BCL2L13: variants seen among roughly 807,000 people sequenced by gnomAD.
BCL2L13 encodes the protein bcl-2-like protein 13.
BCL2L13 carries 13 observed loss-of-function variants against 25.8 expected under a neutral mutation model. That is an observed-to-expected ratio of 0.50 (90% CI 0.33 to 0.80). The LOEUF (loss-of-function observed/expected upper bound fraction) is 0.80. Ranked by LOEUF, BCL2L13 falls within the 30% of genes least tolerant of loss-of-function variation. The probability of loss-of-function intolerance (pLI) is 0.02; values close to 1 mark genes in which losing one functional copy is unlikely to be tolerated. For missense variants in BCL2L13, 504 were observed against 574.9 expected (o/e 0.88, Z 1.26); for synonymous variants, 244 against 230.3 (o/e 1.06, Z -0.54).
intron 4 of BCL2L13, among the ~76,000 whole-genome samples, chr22:17,690,336 AT>A (rs376035892): frequency 2.0e-5 from 3 of 150,862 alleles, no homozygotes; most frequent in Non-Finnish European, 4.4e-5. Flanking sequence ...AAAGAAAAAA[AT>A]TTTTTTTTTA....
chr22:17,635,258 C>G (rs2058086191), upstream of BCL2L13, among the ~76,000 whole-genome samples: 1 of 151,892 alleles, frequency 6.6e-6, no homozygotes, highest in African/African-American at 2.4e-5. Context: ...TAAAAAAGGG[C>G]CGGGTGTGGT....
chr22:17,684,881 T>C (rs564633360), intron 3 of BCL2L13, among the ~76,000 whole-genome samples: 1,964 of 151,890 alleles, frequency 0.013, 30 homozygotes, highest in Non-Finnish European at 0.015. Flanking sequence ...TACAGGCGCC[T>C]GCCACCACAC....
At chr22:17,693,685 G>A (rs1040720231) in intron 4 of BCL2L13, among the ~76,000 whole-genome samples, 1 of 149,836 alleles carries the variant, frequency 6.7e-6, no homozygotes. Context: ...TGGCTGGGGT[G>A]GGATTTTAAA....
At chr22:17,628,991 A>T in exon 1 of BCL2L13, 1 of 366,766 alleles carries the variant, frequency 2.7e-6, no homozygotes, top group Non-Finnish European at 5.2e-6. Context: ...GGCTGTTTTG[A>T]GGAGTACTGG....
At chr22:17,698,478 T>C (rs568239827) in intron 5 of BCL2L13, among the ~76,000 whole-genome samples, 7 of 138,016 alleles carry the variant, frequency 5.1e-5, no homozygotes, top group South Asian at 4.4e-4. Flanking sequence ...CCCAGCACTT[T>C]AGAAGGCCAA....
rs1284421317 is a variant in BCL2L13, at chr22:17,728,257, T to C, written c.*723T>C. 1 of 146,162 alleles carries C rather than the reference T, an allele frequency of 6.8e-6. No individual in the cohort carries two copies. The highest frequency in any genetic ancestry group is 1.5e-5 in the Non-Finnish European group (1 of 66,508). The allele number at this position is 146,162 out of a possible 1,614,324, so 9.1% of individuals were successfully genotyped here. A position where few individuals can be genotyped will look rare whatever the true frequency, so the allele number is the denominator to read the frequency against. Reference sequence around the variant, plus strand: ...GCGAGGGCTTGCTCTGGACTCAGTCTGTCAAGTCCCCGAAGCTTCCTGCAG... The same window carrying C: ...GCGAGGGCTTGCTCTGGACTCAGTCCGTCAAGTCCCCGAAGCTTCCTGCAG... On this transcript the variant is annotated 3_prime_UTR_variant, in exon 7 of 7. Coordinates refer to ENST00000317582, the MANE Select transcript of BCL2L13 (RefSeq NM_015367.4).
chr22:17,629,176 C>T (rs1171359782), intron 1 of BCL2L13, among the ~76,000 whole-genome samples: 1 of 150,510 alleles, frequency 6.6e-6, no homozygotes, highest in Non-Finnish European at 1.5e-5. Flanking sequence ...CCAGGCTGGA[C>T]AACATAGAGG....
intron 1 of BCL2L13, among the ~76,000 whole-genome samples, chr22:17,641,169 C>A (rs940530111): frequency 1.3e-5 from 2 of 152,168 alleles, no homozygotes; most frequent in Non-Finnish European, 2.9e-5. Flanking sequence ...GGATTACAGG[C>A]ATGAGCCACT....
intron 1 of BCL2L13, among the ~76,000 whole-genome samples, chr22:17,645,692 T>C (rs1039256764): frequency 6.6e-6 from 1 of 151,582 alleles, no homozygotes; most frequent in Admixed American, 6.6e-5. Context: ...ATTGTGGATA[T>C]ACATTTGTTG....
intron 2 of BCL2L13, among the ~76,000 whole-genome samples, chr22:17,668,755 G>C (rs962761353): frequency 6.6e-6 from 1 of 152,154 alleles, no homozygotes; most frequent in African/African-American, 2.4e-5. Context: ...GTGAGCCACT[G>C]CGCTTGGCCT....
At chr22:17,643,531 A>G (rs796072177) in intron 1 of BCL2L13, among the ~76,000 whole-genome samples, 12 of 152,314 alleles carry the variant, frequency 7.9e-5, no homozygotes, top group African/African-American at 2.9e-4. Context: ...ACTTAAAAAA[A>G]ATTCCCTGTT....
At chr22:17,680,783 T>G (rs1193217128) in intron 2 of BCL2L13, among the ~76,000 whole-genome samples, 1 of 152,092 alleles carries the variant, frequency 6.6e-6, no homozygotes, top group Non-Finnish European at 1.5e-5. Context: ...GATTTTAGTA[T>G]TATAATGAGG....
At chr22:17,657,431 A>G (rs546919697) in intron 2 of BCL2L13, among the ~76,000 whole-genome samples, 1 of 152,152 alleles carries the variant, frequency 6.6e-6, no homozygotes, top group Non-Finnish European at 1.5e-5. Context: ...GACGTACATG[A>G]TCCTGTCTGT....
chr22:17,722,232 G>GT (rs899835543), intron 6 of BCL2L13, among the ~76,000 whole-genome samples: 4 of 151,474 alleles, frequency 2.6e-5, no homozygotes, highest in East Asian at 1.9e-4. Flanking sequence ...AATTGCCTCT[G>GT]TTTTTTTTGG....
chr22:17,645,605 GGTA>G (rs1291458339), intron 1 of BCL2L13, among the ~76,000 whole-genome samples: 1 of 151,396 alleles, frequency 6.6e-6, no homozygotes, highest in Non-Finnish European at 1.5e-5. Context: ...AATCAGCACT[GGTA>G]GCATTCTGGA....
chr22:17,646,919 TGTGTA>T, intron 1 of BCL2L13, among the ~76,000 whole-genome samples: 2 of 111,332 alleles, frequency 1.8e-5, no homozygotes, highest in African/African-American at 3.1e-5. Flanking sequence ...TGTGTGTGTG[TGTGTA>T]TAAACTACAT....
intron 1 of BCL2L13, among the ~76,000 whole-genome samples, chr22:17,629,818 T>TACACACACACACACACAC (rs3044578): frequency 1.6e-4 from 23 of 148,074 alleles, no homozygotes; most frequent in African/African-American, 5.5e-4. Flanking sequence ...TTTATTTTCA[T>TACACACACACACACACAC]ACACACACAC....
At chr22:17,706,135 C>G (rs149182365) in intron 6 of BCL2L13, among the ~76,000 whole-genome samples, 1,780 of 152,290 alleles carry the variant, frequency 0.012, 31 homozygotes, top group Non-Finnish European at 0.016. Flanking sequence ...CCACCTCAGC[C>G]TCCCTAGTAG....
intron 1 of BCL2L13, among the ~76,000 whole-genome samples, chr22:17,644,288 G>A (rs1321804907): frequency 6.7e-6 from 1 of 149,926 alleles, no homozygotes; most frequent in Admixed American, 6.6e-5. Context: ...TATAAACTGG[G>A]ATTATAGTTG....
Sources: gnomAD v4.1 joint callset for allele counts (sites outside exome capture counted in the v4.1 genomes callset) on GRCh38, gnomAD v4.1.1 for gene constraint, MANE v1.5 for transcripts, NCBI Gene and HGNC (gene_info 2026-07-23, HGNC 2026-07-21) for gene names.